The following SLC6A5 variants were observed in gnomAD, a reference collection of about 807,000 sequenced individuals.
SLC6A5 encodes solute carrier family 6 member 5.
SLC6A5 carries 58 observed loss-of-function variants against 90.5 expected under a neutral mutation model. The observed-to-expected ratio is 0.64, with a 90% CI of 0.52 to 0.80. The LOEUF (loss-of-function observed/expected upper bound fraction) is 0.80, where lower values mean the gene tolerates loss of function less well. SLC6A5 is among the 30% of genes least tolerant of loss of function. The probability of loss-of-function intolerance (pLI) is 0.00; values close to 1 mark genes in which losing one functional copy is unlikely to be tolerated. For missense variants in SLC6A5, 1,015 were observed against 1,017.6 expected, an observed-to-expected ratio of 1.00 and a Z score of 0.03; for synonymous variants, 427 against 401.4, an observed-to-expected ratio of 1.06 and a Z score of -0.76.
chr11:20,608,942 CTCTCTCTCTCTCTCTCTGTGTG>C (rs1283771532), intron 5 of SLC6A5, among the ~76,000 whole-genome samples: 113 of 117,886 alleles, frequency 9.6e-4, no homozygotes, highest in East Asian at 1.8e-3. Context: ...CTCTCTCTCT[CTCTCTCTCTCTCTCTCTGTGTG>C]TGTGTGTGTG....
At chr11:20,618,504 G>A (rs531519820) in intron 7 of SLC6A5, among the ~76,000 whole-genome samples, 1 of 152,290 alleles carries the variant, frequency 6.6e-6, no homozygotes, top group East Asian at 1.9e-4. Flanking sequence ...GCATGGCTGG[G>A]CCCTTTGGAG....
chr11:20,637,762 A>G (rs1853237758), intron 12 of SLC6A5, among the ~76,000 whole-genome samples: 2 of 152,228 alleles, frequency 1.3e-5, no homozygotes, highest in South Asian at 4.1e-4. Flanking sequence ...AAAACAGAAT[A>G]CATAAAAATC....
chr11:20,624,039 T>C (rs191067441), intron 7 of SLC6A5, among the ~76,000 whole-genome samples: 39 of 152,156 alleles, frequency 2.6e-4, no homozygotes, highest in African/African-American at 9.1e-4. Flanking sequence ...TATTTACTGA[T>C]AGGTCCTGAA....
At chr11:20,648,070 C>A (rs775469192) in intron 14 of SLC6A5, among the ~76,000 whole-genome samples, 4 of 152,164 alleles carry the variant, frequency 2.6e-5, no homozygotes, top group Admixed American at 2.0e-4. Context: ...GCAAACACAG[C>A]AATTGACAGA....
chr11:20,623,218 C>T (rs754810118), intron 7 of SLC6A5, among the ~76,000 whole-genome samples: 8 of 152,192 alleles, frequency 5.3e-5, no homozygotes, highest in Non-Finnish European at 8.8e-5. Flanking sequence ...GTGCAGTCCA[C>T]CTCTGGCAGG....
At chr11:20,599,909 C>G (rs554844760) in intron 1 of SLC6A5, among the ~76,000 whole-genome samples, 7 of 152,160 alleles carry the variant, frequency 4.6e-5, no homozygotes, top group African/African-American at 1.4e-4. Flanking sequence ...CCTAAAGACC[C>G]GATCCCGGGC....
At chr11:20,622,027 C>T (rs564964731) in intron 7 of SLC6A5, among the ~76,000 whole-genome samples, 1 of 152,170 alleles carries the variant, frequency 6.6e-6, no homozygotes, top group Non-Finnish European at 1.5e-5. Flanking sequence ...TTCAGGGGTC[C>T]CATGGTGAGA....
rs1436505372 is a variant in SLC6A5, at chr11:20,658,636, T to C, written c.*3768T>C. On this transcript the variant is annotated 3_prime_UTR_variant, in exon 16 of 16. Transcript: ENST00000525748. ...TTAATTGCCCAGAAAGGCCAAGTAG[T>C]TTTGAAATGTGGTCTTTGCTCAGGT... 2 of 152,158 alleles carry C rather than the reference T, an allele frequency of 1.3e-5. No individual in the cohort carries two copies. Among genetic ancestry groups the C allele is most frequent in the Non-Finnish European group, 1.5e-5 (1 of 68,034 alleles). The allele number at this position is 152,158 out of a possible 1,614,324, so 9.4% of individuals were successfully genotyped here.
chr11:20,636,204 G>A (rs1024884826), intron 10 of SLC6A5, 103 bp from the exon 11 acceptor site: 7 of 748,526 alleles, frequency 9.4e-6, no homozygotes, highest in Admixed American at 3.9e-5. Flanking sequence ...CAGCATATAA[G>A]AAGTAATAAA....
rs3781739 is a variant in SLC6A5 at position 20,608,588 on chromosome 11, A to C, written c.985+936A>C. Among the ~76,000 whole-genome samples the C allele has an allele frequency of 2.0e-5, 3 of 152,352 alleles. No homozygotes were observed. In the East Asian group the frequency reaches 5.8e-4, roughly 29 times the overall value. ...GCAGAAGCATATAACTCTACAAATA[A>C]AAGGTGCTAGTAGCAGTCACTTTGG... On this transcript the variant is annotated intron_variant, in intron 5 of 15. Coordinates refer to ENST00000525748, the MANE Select transcript of SLC6A5 (RefSeq NM_004211.5).
At chr11:20,607,366 G>A in intron 4 of SLC6A5, 113 bp from the exon 5 acceptor site, 2 of 1,276,840 alleles carry the variant, frequency 1.6e-6, no homozygotes, top group East Asian at 4.6e-5. Flanking sequence ...TCTGCTATTA[G>A]TGCATCCATT....
At chr11:20,600,411 G>C (rs779431328) in intron 1 of SLC6A5, among the ~76,000 whole-genome samples, 1 of 140,446 alleles carries the variant, frequency 7.1e-6, no homozygotes, top group Non-Finnish European at 1.6e-5. Flanking sequence ...AGAAGAAGAA[G>C]ACCTAAACAA....
chr11:20,623,459 C>T (rs188113922), intron 7 of SLC6A5, among the ~76,000 whole-genome samples: 21 of 152,274 alleles, frequency 1.4e-4, no homozygotes, highest in Admixed American at 1.3e-3. Flanking sequence ...CGACAACACC[C>T]TGGCTGGAGC....
rs1378108340 is a variant in SLC6A5, at chr11:20,626,747, G to A, written c.1300G>A (p.Val434Met). 2.5e-6 allele frequency: 4 copies of A among 1,614,108 alleles called. No individual in the cohort carries two copies. In the East Asian group the frequency reaches 8.9e-5, roughly 36 times the overall value. Residue 434 changes from valine to methionine, a missense_variant, in exon 8 of 16, where the codon GTG becomes ATG. By Grantham distance (21) the Val-to-Met change is conservative. Transcript: ENST00000525748. ...GGCCACGTTCCCGTATGTCGTACTCGTGATCCTCCTCATCCGAGGAGTCAC... is the reference window on the plus strand; with the variant it reads ...GGCCACGTTCCCGTATGTCGTACTCATGATCCTCCTCATCCGAGGAGTCAC... Reference protein sequence around the residue: ...FTATFPYVVLVILLIRGVTLP... With the variant: ...FTATFPYVVLMILLIRGVTLP...
chr11:20,599,813 C>T, intron 1 of SLC6A5, 138 bp downstream of exon 1: 2 of 1,007,070 alleles, frequency 2.0e-6, no homozygotes, highest in African/African-American at 1.6e-5. Context: ...ACAATTCTCG[C>T]AGCCCTAGGT....
Position 20,601,336 on chromosome 11 carries a change from G to A in SLC6A5, c.211G>A (p.Glu71Lys). 1 of 1,597,460 alleles carries A rather than the reference G, an allele frequency of 6.3e-7. No individual in the cohort carries two copies. Among genetic ancestry groups the A allele is most frequent in the Non-Finnish European group, 8.5e-7 (1 of 1,175,174 alleles). ...TFQSADARAC[E>K]AERPGVGSCK... ...CCAGTCAGCGGACGCGCGAGCCTGC[G>A]AGGCTGAGCGGCCAGGAGTGGGGTC... The change falls in exon 2 of 16, where the codon GAG becomes AAG. Residue 71 changes from glutamate (E) to lysine (K), a missense_variant. Physicochemically the swap from Glu to Lys is moderately conservative, Grantham distance 56. Transcript: ENST00000525748.
chr11:20,655,947 A>G lies in SLC6A5; in HGVS notation c.*1079A>G, dbSNP rs771137214. The G allele has an allele frequency of 2.0e-5, 3 of 152,216 alleles. No individual in the cohort carries two copies. The highest frequency in any genetic ancestry group is 4.4e-5 in the Non-Finnish European group (3 of 68,044). The allele number at this position is 152,216 out of a possible 1,614,324, so 9.4% of individuals were successfully genotyped here. A position where few individuals can be genotyped will look rare whatever the true frequency, so the allele number is the denominator to read the frequency against. On this transcript the variant is annotated 3_prime_UTR_variant, in exon 16 of 16. Transcript: ENST00000525748. ...TTAATAGAAAGCAACCACAATATTC[A>G]CTGCACTGGTAGTACATTTTAGGAC... is the stretch of plus-strand genomic sequence containing the variant.
chr11:20,636,162 A>G, intron 10 of SLC6A5, 145 bp from the exon 11 acceptor site: 2 of 706,852 alleles, frequency 2.8e-6, no homozygotes, highest in Admixed American at 2.0e-5. Flanking sequence ...GGAAATGGAT[A>G]GAGATGAGTA....
chr11:20,618,004 C>G (rs943111826), intron 7 of SLC6A5, 120 bp downstream of exon 7: 14 of 1,011,474 alleles, frequency 1.4e-5, no homozygotes, highest in Middle Eastern at 2.9e-4. Context: ...TGACTCTGCC[C>G]TGGAGCAGCT....
Sources: allele counts gnomAD v4.1 joint callset (sites outside exome capture counted in the v4.1 genomes callset), GRCh38; gene constraint gnomAD v4.1.1; transcripts MANE v1.5; gene names NCBI Gene and HGNC (gene_info 2026-07-23, HGNC 2026-07-21).